RBFOX1: variants seen among roughly 807,000 people sequenced by gnomAD.
The protein encoded by RBFOX1 is RNA binding protein fox-1 homolog 1.
RBFOX1 carries 8 observed loss-of-function variants against 57.7 expected under a neutral mutation model. The ratio of observed to expected loss-of-function variants is 0.14; its 90% CI spans 0.08 to 0.25. The LOEUF is 0.25. Ranked by LOEUF, RBFOX1 falls within the 10% of genes least tolerant of loss-of-function variation. RBFOX1 has a pLI of 1.00. For missense variants in RBFOX1, 611 were observed against 548.5 expected (o/e 1.11, Z -1.14); for synonymous variants, 326 against 222.4 (o/e 1.47, Z -4.15).
At chr16:5,379,542 C>G (rs1429677702) in intron 1 of RBFOX1, among the ~76,000 whole-genome samples, 1 of 152,156 alleles carries the variant, frequency 6.6e-6, no homozygotes, top group Non-Finnish European at 1.5e-5. Flanking sequence ...GCACAGTAGC[C>G]TGGGAGTCAG....
chr16:5,680,878 C>A (rs2050310732), intron 3 of RBFOX1, among the ~76,000 whole-genome samples: 1 of 146,684 alleles, frequency 6.8e-6, no homozygotes, highest in Non-Finnish European at 1.5e-5. Context: ...GTTCCTTGCC[C>A]TATAGAGCTT....
At chr16:5,438,497 C>G (rs1296392955) in intron 1 of RBFOX1, among the ~76,000 whole-genome samples, 3 of 152,194 alleles carry the variant, frequency 2.0e-5, no homozygotes, top group African/African-American at 7.2e-5. Flanking sequence ...AGCATTCCAA[C>G]TGAGTTATCC....
intron 1 of RBFOX1, among the ~76,000 whole-genome samples, chr16:5,268,225 A>G (rs1426602390): frequency 2.0e-5 from 3 of 152,132 alleles, no homozygotes; most frequent in African/African-American, 7.2e-5. Context: ...TTTTTTCTTT[A>G]CCCATGAAAA....
chr16:7,098,044 A>G (rs2151286920), intron 4 of RBFOX1, among the ~76,000 whole-genome samples: 1 of 152,338 alleles, frequency 6.6e-6, no homozygotes, highest in East Asian at 1.9e-4. Context: ...TATTCAAGTA[A>G]AGCCAGTGTT....
At chr16:7,073,243 C>G (rs2057685454) in intron 4 of RBFOX1, among the ~76,000 whole-genome samples, 1 of 152,120 alleles carries the variant, frequency 6.6e-6, no homozygotes, top group Non-Finnish European at 1.5e-5. Flanking sequence ...TAATATGTGA[C>G]TGAGACTATT....
At chr16:5,421,349 A>G (rs2067320787) in intron 1 of RBFOX1, among the ~76,000 whole-genome samples, 1 of 152,188 alleles carries the variant, frequency 6.6e-6, no homozygotes, top group South Asian at 2.1e-4. Flanking sequence ...GATTCTGTGA[A>G]GGCAGCAGCC....
rs547875165 is a variant in RBFOX1, at chr16:6,298,292, G to A, written c.-126-18703G>A. 2.6e-5 allele frequency among the ~76,000 whole-genome samples: 4 copies of A among 152,244 alleles called. No individual in the cohort carries two copies. The East Asian group carries it at 5.8e-4, about 22-fold the overall frequency. Reference sequence around the variant, plus strand: ...TAGTGTCTGTGAATGCAGTTCTACTGCACAGGGTGCTCCATAGACACCCTG... The same window carrying A: ...TAGTGTCTGTGAATGCAGTTCTACTACACAGGGTGCTCCATAGACACCCTG... On this transcript the variant is annotated intron_variant, in intron 1 of 15. Coordinates refer to ENST00000550418, the MANE Select transcript of RBFOX1 (RefSeq NM_018723.4).
chr16:6,168,621 G>A (rs577115256), intron 1 of RBFOX1, among the ~76,000 whole-genome samples: 9 of 152,186 alleles, frequency 5.9e-5, no homozygotes, highest in East Asian at 5.8e-4. Context: ...AAGTAAGATC[G>A]CTGCTAAGAC....
At chr16:7,214,375 C>G (rs1177161711) in intron 4 of RBFOX1, among the ~76,000 whole-genome samples, 1 of 152,124 alleles carries the variant, frequency 6.6e-6, no homozygotes, top group Non-Finnish European at 1.5e-5. Context: ...TCGGGGTGCT[C>G]AAGCTAAACA....
chr16:7,051,995 C>A (rs910638068), intron 3 of RBFOX1, 62 bp from the exon 4 acceptor site: 7 of 1,580,994 alleles, frequency 4.4e-6, no homozygotes, highest in South Asian at 1.2e-5. Flanking sequence ...TTTCTGTTTT[C>A]TTTCATGTTT....
chr16:6,951,730 C>G (rs1409963322), intron 3 of RBFOX1, among the ~76,000 whole-genome samples: 5 of 152,254 alleles, frequency 3.3e-5, no homozygotes, highest in African/African-American at 9.6e-5. Flanking sequence ...CCACACTTCT[C>G]TCTTTTTTCT....
intron 4 of RBFOX1, among the ~76,000 whole-genome samples, chr16:7,504,801 ATT>A (rs1452694403): frequency 2.2e-4 from 5 of 22,980 alleles, no homozygotes; most frequent in African/African-American, 4.4e-4. Context: ...ATATATATAT[ATT>A]TATATATATA....
chr16:6,960,874 C>T lies in RBFOX1; in HGVS notation c.-15-91183C>T, dbSNP rs185553878. 1.1e-4 allele frequency among the ~76,000 whole-genome samples: 17 copies of T among 151,242 alleles called. No homozygotes were observed. In the East Asian group the frequency reaches 3.1e-3, roughly 28 times the overall value. ...CAGGTCCGGGTGCAGTGGCTCACAT[C>T]TGTAATCCCAGCACTTTGGAAGGCC... On this transcript the variant is annotated intron_variant, in intron 3 of 15. Transcript: ENST00000550418.
intron 1 of RBFOX1, among the ~76,000 whole-genome samples, chr16:5,404,020 GT>G (rs1399443331): frequency 7.2e-6 from 1 of 139,792 alleles, no homozygotes; most frequent in East Asian, 2.4e-4. Flanking sequence ...TGGGAAGCAG[GT>G]TTGGTGCAGA....
chr16:6,981,812 T>A (rs886607778), intron 3 of RBFOX1, among the ~76,000 whole-genome samples: 1 of 151,996 alleles, frequency 6.6e-6, no homozygotes, highest in Non-Finnish European at 1.5e-5. Flanking sequence ...CCAGTCAAGA[T>A]GAGATTGGGG....
Position 7,082,015 on chromosome 16 carries a change from G to A in RBFOX1, c.27+29917G>A, listed in dbSNP as rs1313801928. ...AATGAGCAGCCACGTGGCTGAAAGTGGAAGAAGCGATTGAATTCCTCCCAT... is the reference window on the plus strand; with the variant it reads ...AATGAGCAGCCACGTGGCTGAAAGTAGAAGAAGCGATTGAATTCCTCCCAT... On this transcript the variant is annotated intron_variant, in intron 4 of 15. Transcript: ENST00000550418. 5.9e-5 allele frequency among the ~76,000 whole-genome samples: 9 copies of A among 152,268 alleles called. No individual in the cohort carries two copies. In the East Asian group the frequency reaches 1.7e-3, roughly 30 times the overall value.
intron 2 of RBFOX1, among the ~76,000 whole-genome samples, chr16:6,357,947 A>G (rs1203947820): frequency 6.9e-6 from 1 of 144,412 alleles, no homozygotes; most frequent in African/African-American, 2.7e-5. Context: ...ACAGAGCAAG[A>G]CTCCATCTCA....
intron 1 of RBFOX1, among the ~76,000 whole-genome samples, chr16:6,076,079 A>G (rs12443548): frequency 0.29 from 44,155 of 152,036 alleles, 6,681 homozygotes; most frequent in African/African-American, 0.37. Flanking sequence ...AGGGCTAATC[A>G]CCTGAGTTTG....
intron 2 of RBFOX1, among the ~76,000 whole-genome samples, chr16:5,511,516 C>G (rs919332831): frequency 6.6e-6 from 1 of 152,180 alleles, no homozygotes; most frequent in Non-Finnish European, 1.5e-5. Context: ...AATCACTTTA[C>G]CAGCATCATC....
Sources: allele counts gnomAD v4.1 joint callset (sites outside exome capture counted in the v4.1 genomes callset), GRCh38; gene constraint gnomAD v4.1.1; transcripts MANE v1.5; gene names NCBI Gene and HGNC (gene_info 2026-07-23, HGNC 2026-07-21).